CPNE9: variants seen among roughly 807,000 people sequenced by gnomAD.
The protein encoded by CPNE9 is copine-9.
In CPNE9, 59 loss-of-function variants were observed where a neutral mutation model predicts 83.0. The observed-to-expected ratio is 0.71, with a 90% CI of 0.58 to 0.88. The LOEUF (loss-of-function observed/expected upper bound fraction) is 0.88, where lower values mean the gene tolerates loss of function less well. CPNE9 is among the 40% of genes least tolerant of loss of function. The probability of loss-of-function intolerance (pLI) is 0.00; values close to 1 mark genes in which losing one functional copy is unlikely to be tolerated. For missense variants in CPNE9, 619 were observed against 720.8 expected (o/e 0.86, Z 1.62); for synonymous variants, 256 against 273.4 (o/e 0.94, Z 0.63).
At chr3:9,725,565 T>C (rs866769127) in intron 17 of CPNE9, among the ~76,000 whole-genome samples, 64 of 146,992 alleles carry the variant, frequency 4.4e-4, no homozygotes, top group Middle Eastern at 7.3e-3. Flanking sequence ...AATGTGTGTG[T>C]ATGGATATAT....
intron 20 of CPNE9, 80 bp from the exon 21 acceptor site, chr3:9,729,426 CA>C (rs1247777741): frequency 5.4e-6 from 8 of 1,491,010 alleles, no homozygotes; most frequent in South Asian, 2.8e-5. Flanking sequence ...TGCTGGGGAT[CA>C]AAAAAGAAGC....
At chr3:9,716,073 A>G in intron 14 of CPNE9, 38 bp downstream of exon 14, 1 of 1,544,234 alleles carries the variant, frequency 6.5e-7, no homozygotes, top group Non-Finnish European at 8.9e-7. Context: ...AAAGCCCGGC[A>G]ATAAATTACT....
Position 9,704,706 on chromosome 3 carries a change from G to A in CPNE9, c.110-43G>A. On this transcript the variant is annotated intron_variant, in intron 2 of 20. Coordinates refer to ENST00000383832, the MANE Select transcript of CPNE9 (RefSeq NM_153635.3). The surrounding 1 kb of genome is among the most constrained non-coding windows in gnomAD (Gnocchi z 7.1). ...GGCGGGTGGAGTCGGGGCCAGGGGTGGGAGCCGACCTGACGTCCTTCCCTC... is the reference window on the plus strand; with the variant it reads ...GGCGGGTGGAGTCGGGGCCAGGGGTAGGAGCCGACCTGACGTCCTTCCCTC... 1.2e-6 allele frequency: 2 copies of A among 1,611,160 alleles called. No homozygotes were observed. The highest frequency in any genetic ancestry group is 1.7e-6 in the Non-Finnish European group (2 of 1,178,042).
At chr3:9,708,943 G>A (rs907939323) in intron 7 of CPNE9, among the ~76,000 whole-genome samples, 5 of 150,572 alleles carry the variant, frequency 3.3e-5, no homozygotes, top group Non-Finnish European at 7.4e-5. Context: ...CCAAGTCAAG[G>A]AAACTTTCAA....
chr3:9,713,155 A>G (rs557870515), intron 10 of CPNE9, 76 bp downstream of exon 10: 3 of 1,111,248 alleles, frequency 2.7e-6, no homozygotes, highest in African/African-American at 1.5e-5. Flanking sequence ...GAATGATAGT[A>G]GAAGTATCAT....
At chr3:9,714,303 A>G (rs2076657619) in intron 10 of CPNE9, among the ~76,000 whole-genome samples, 2 of 152,136 alleles carry the variant, frequency 1.3e-5, no homozygotes, top group South Asian at 4.1e-4. Flanking sequence ...CTGATAGGTA[A>G]TTGGACTGGC....
chr3:9,714,503 T>G (rs980226908), intron 10 of CPNE9, among the ~76,000 whole-genome samples: 1 of 152,116 alleles, frequency 6.6e-6, no homozygotes, highest in Admixed American at 6.6e-5. Flanking sequence ...TTACTTTTTT[T>G]TTTTTGTATC....
chr3:9,714,792 GAAC>G (rs2076664759), intron 10 of CPNE9, 119 bp from the exon 11 acceptor site: 1 of 841,498 alleles, frequency 1.2e-6, no homozygotes, highest in Non-Finnish European at 1.9e-6. Context: ...GTTGAAAGAT[GAAC>G]AACTTAATGG....
In CPNE9 at chr3:9,729,721, C is replaced by G. The variant is rs141562887; in HGVS notation, c.*29C>G. 315 of 1,582,302 alleles carry G rather than the reference C, an allele frequency of 2.0e-4. 3 individuals carry two copies. In the African/African-American group the frequency reaches 3.6e-3, roughly 18 times the overall value. ...TTCCACATATCCAATGCCTCACAGT[C>G]TGCAAGCCTGCTCACCCACTGCTTC... is the stretch of plus-strand genomic sequence containing the variant. On this transcript the variant is annotated 3_prime_UTR_variant, in exon 21 of 21. Coordinates refer to ENST00000383832, the MANE Select transcript of CPNE9 (RefSeq NM_153635.3).
chr3:9,707,352 C>CAAAAA (rs779965477), intron 7 of CPNE9, among the ~76,000 whole-genome samples: 23 of 50,958 alleles, frequency 4.5e-4, no homozygotes, highest in Non-Finnish European at 6.2e-4. Flanking sequence ...GATTCTGTCT[C>CAAAAA]AAAAAAAAAA....
At chr3:9,725,669 T>C (rs1248795015) in intron 17 of CPNE9, among the ~76,000 whole-genome samples, 1 of 31,642 alleles carries the variant, frequency 3.2e-5, no homozygotes, top group Non-Finnish European at 6.3e-5. Flanking sequence ...TATATGTATA[T>C]ATATGTGTAT....
rs1187832865 is a variant in CPNE9 at position 9,729,703 on chromosome 3, T to C, written c.*11T>C. 1.9e-6 allele frequency: 3 copies of C among 1,603,408 alleles called. No individual in the cohort carries two copies. Among genetic ancestry groups the C allele is most frequent in the South Asian group, 1.1e-5 (1 of 90,582 alleles). On this transcript the variant is annotated 3_prime_UTR_variant, in exon 21 of 21. Transcript: ENST00000383832. ...CCAGAGCAGCCCTGAGGATTCCACATATCCAATGCCTCACAGTCTGCAAGC... is the reference window on the plus strand; with the variant it reads ...CCAGAGCAGCCCTGAGGATTCCACACATCCAATGCCTCACAGTCTGCAAGC...
chr3:9,706,093 G>A (rs778596001), intron 7 of CPNE9, 30 bp downstream of exon 7: 49 of 1,604,976 alleles, frequency 3.1e-5, no homozygotes, highest in East Asian at 1.6e-4. Context: ...GTGTGGGAGT[G>A]GGGTGGGGGC....
intron 17 of CPNE9, among the ~76,000 whole-genome samples, chr3:9,721,618 T>G (rs1243188307): frequency 1.3e-5 from 2 of 152,104 alleles, no homozygotes; most frequent in African/African-American, 4.8e-5. Context: ...CGAGGTAGAC[T>G]TTATGAGAGA....
At chr3:9,724,257 G>C (rs1238462307) in intron 17 of CPNE9, among the ~76,000 whole-genome samples, 2 of 149,728 alleles carry the variant, frequency 1.3e-5, no homozygotes, top group Non-Finnish European at 3.0e-5. Context: ...GTCCTTTTCA[G>C]GTGGAAAAAA....
Position 9,717,050 on chromosome 3 carries a change from C to T in CPNE9, c.885-8C>T, listed in dbSNP as rs2076690276. 5 of 1,613,964 alleles carry T rather than the reference C, an allele frequency of 3.1e-6. No homozygotes were observed. The highest frequency in any genetic ancestry group is 4.2e-6 in the Non-Finnish European group (5 of 1,179,960). ...CCTCACTTCTCAATTCATCTGCTTC[C>T]CCAACAGGACACAGCTGAACTTCAC... On this transcript the variant is annotated splice_polypyrimidine_tract_variant and splice_region_variant and intron_variant, in intron 14 of 20. Coordinates refer to ENST00000383832, the MANE Select transcript of CPNE9 (RefSeq NM_153635.3).
chr3:9,717,872 A>G (rs1312157511), intron 15 of CPNE9, among the ~76,000 whole-genome samples, 157 bp from the exon 16 acceptor site: 1 of 152,194 alleles, frequency 6.6e-6, no homozygotes, highest in Non-Finnish European at 1.5e-5. Flanking sequence ...GGATAGATGG[A>G]TAAATGAACA....
At chr3:9,727,217 T>A in intron 20 of CPNE9, 31 bp downstream of exon 20, 8 of 1,612,702 alleles carry the variant, frequency 5.0e-6, no homozygotes, top group Non-Finnish European at 6.8e-6. Context: ...GCTGTGGAGC[T>A]GAGAGGCACA....
intron 17 of CPNE9, among the ~76,000 whole-genome samples, chr3:9,725,746 T>C (rs1337959366): frequency 7.2e-6 from 1 of 139,752 alleles, no homozygotes; most frequent in Non-Finnish European, 1.6e-5. Context: ...TATATATGTA[T>C]ATATGTGTGT....
Sources: gnomAD v4.1 joint callset for allele counts (sites outside exome capture counted in the v4.1 genomes callset) on GRCh38, gnomAD v4.1.1 for gene constraint, Gnocchi (gnomAD v3.1) non-coding constraint, MANE v1.5 for transcripts, NCBI Gene and HGNC (gene_info 2026-07-23, HGNC 2026-07-21) for gene names.